RSRC1: variants seen among roughly 807,000 people sequenced by gnomAD.
The protein encoded by RSRC1 is arginine and serine rich coiled-coil 1.
A neutral mutation model predicts 49.1 loss-of-function variants in RSRC1; 39 were observed. The observed-to-expected ratio is 0.79, with a 90% confidence interval of 0.61 to 1.04. The LOEUF is 1.04. RSRC1 is among the 50% of genes least tolerant of loss of function. The probability of loss-of-function intolerance (pLI) is 0.00; values close to 1 mark genes in which losing one functional copy is unlikely to be tolerated. For synonymous variants in RSRC1, 143 were observed against 130.8 expected (o/e 1.09, Z -0.63); for missense variants, 388 against 402.4 (o/e 0.96, Z 0.31).
At chr3:158,306,424 A>G (rs1363989324) in intron 5 of RSRC1, among the ~76,000 whole-genome samples, 2 of 151,974 alleles carry the variant, frequency 1.3e-5, no homozygotes, top group Non-Finnish European at 2.9e-5. Flanking sequence ...CTGGAAGTTA[A>G]TACTATTACT....
intron 6 of RSRC1, among the ~76,000 whole-genome samples, chr3:158,397,680 T>G (rs1399671959): frequency 6.6e-6 from 1 of 152,158 alleles, no homozygotes; most frequent in African/African-American, 2.4e-5. Context: ...ATTACTAATA[T>G]GACCCAGTCA....
chr3:158,245,007 T>G (rs1439469244), intron 4 of RSRC1, among the ~76,000 whole-genome samples: 4 of 150,514 alleles, frequency 2.7e-5, no homozygotes, highest in Non-Finnish European at 5.9e-5. Flanking sequence ...TTCAAAGGTT[T>G]TTTTTTTTTT....
chr3:158,518,105 T>C (rs1486488560), intron 7 of RSRC1, among the ~76,000 whole-genome samples: 4 of 75,156 alleles, frequency 5.3e-5, no homozygotes, highest in African/African-American at 1.7e-4. Flanking sequence ...CGTGTGTGTG[T>C]GTGTGTGTGT....
intron 6 of RSRC1, among the ~76,000 whole-genome samples, chr3:158,417,762 A>T (rs1169421588): frequency 1.3e-5 from 2 of 150,632 alleles, no homozygotes; most frequent in Non-Finnish European, 3.0e-5. Flanking sequence ...TTATTAATAT[A>T]TATCCTATAT....
At chr3:158,147,387 C>T (rs1178198045) in intron 3 of RSRC1, among the ~76,000 whole-genome samples, 1 of 151,848 alleles carries the variant, frequency 6.6e-6, no homozygotes, top group Non-Finnish European at 1.5e-5. Flanking sequence ...ACTACAATTC[C>T]ATCATTATTT....
At chr3:158,318,612 C>G (rs1167800330) in intron 5 of RSRC1, among the ~76,000 whole-genome samples, 1 of 152,178 alleles carries the variant, frequency 6.6e-6, no homozygotes, top group East Asian at 1.9e-4. Context: ...AGGACCACAT[C>G]ACCCCCTCTG....
intron 5 of RSRC1, among the ~76,000 whole-genome samples, chr3:158,298,565 T>A (rs1214028323): frequency 2.6e-5 from 4 of 152,110 alleles, no homozygotes; most frequent in Non-Finnish European, 4.4e-5. Flanking sequence ...ATAAAATAAT[T>A]GAGATGCAAA....
chr3:158,523,377 GTTTTAAGACTTACTGTATAAAA>G (rs1312182680), intron 7 of RSRC1, among the ~76,000 whole-genome samples: 2 of 151,914 alleles, frequency 1.3e-5, no homozygotes, highest in Non-Finnish European at 2.9e-5. Flanking sequence ...TATACTCCCT[GTTTTAAGACTTACTGTATAAAA>G]TTACAGTAAT....
intron 6 of RSRC1, among the ~76,000 whole-genome samples, chr3:158,449,806 A>T (rs151162542): frequency 9.9e-4 from 151 of 151,866 alleles, no homozygotes; most frequent in Non-Finnish European, 2.0e-3. Flanking sequence ...GAATTGGTAA[A>T]TTCTCCCTGG....
chr3:158,338,275 T>G (rs935257053), intron 5 of RSRC1, among the ~76,000 whole-genome samples: 1 of 152,082 alleles, frequency 6.6e-6, no homozygotes, highest in African/African-American at 2.4e-5. Context: ...TTCAGATGAA[T>G]TTGCTATCAA....
At chr3:158,221,279 T>C (rs1365753207) in intron 4 of RSRC1, among the ~76,000 whole-genome samples, 1 of 151,524 alleles carries the variant, frequency 6.6e-6, no homozygotes, top group Non-Finnish European at 1.5e-5. Flanking sequence ...ATGCAGTTTA[T>C]TGAATTTAGA....
At chr3:158,196,761 T>A (rs1720647004) in intron 3 of RSRC1, among the ~76,000 whole-genome samples, 1 of 152,202 alleles carries the variant, frequency 6.6e-6, no homozygotes, top group African/African-American at 2.4e-5. Context: ...GAGATAATCA[T>A]GTGGTTTTTG....
chr3:158,205,746 G>T (rs1380767591), intron 4 of RSRC1, among the ~76,000 whole-genome samples: 1 of 151,990 alleles, frequency 6.6e-6, no homozygotes, highest in Non-Finnish European at 1.5e-5. Flanking sequence ...CAATCTTCTG[G>T]CTTCCCTGGG....
At chr3:158,473,668 A>G (rs2108425668) in intron 7 of RSRC1, among the ~76,000 whole-genome samples, 2 of 152,276 alleles carry the variant, frequency 1.3e-5, no homozygotes, top group South Asian at 4.1e-4. Flanking sequence ...ATAATTTAAA[A>G]AAAAAGGATG....
intron 7 of RSRC1, among the ~76,000 whole-genome samples, chr3:158,520,487 A>G (rs1711596000): frequency 1.3e-5 from 2 of 152,180 alleles, no homozygotes. Context: ...ATGGGCAGCA[A>G]AGAGACACTG....
chr3:158,470,383 A>G (rs1738086041), intron 7 of RSRC1, among the ~76,000 whole-genome samples: 1 of 142,292 alleles, frequency 7.0e-6, no homozygotes. Flanking sequence ...TATATATAAA[A>G]CCATCTTCAG....
intron 6 of RSRC1, among the ~76,000 whole-genome samples, chr3:158,404,285 C>G (rs2108312639): frequency 6.6e-6 from 1 of 151,880 alleles, no homozygotes; most frequent in East Asian, 1.9e-4. Context: ...CATTCATTTT[C>G]TCTTAAGCCT....
chr3:158,404,306 C>G (rs1200821137), intron 6 of RSRC1, among the ~76,000 whole-genome samples: 1 of 151,872 alleles, frequency 6.6e-6, no homozygotes, highest in Non-Finnish European at 1.5e-5. Context: ...TTGGCACTGA[C>G]ACATCCATTG....
chr3:158,127,305 C>T (rs1449587179), intron 3 of RSRC1, among the ~76,000 whole-genome samples: 5 of 152,038 alleles, frequency 3.3e-5, no homozygotes, highest in African/African-American at 1.2e-4. Flanking sequence ...CTCCATAATA[C>T]GTATATTGGT....
Sources: gnomAD v4.1 joint callset for allele counts (sites outside exome capture counted in the v4.1 genomes callset) on GRCh38, gnomAD v4.1.1 for gene constraint, MANE v1.5 for transcripts, NCBI Gene and HGNC (gene_info 2026-07-23, HGNC 2026-07-21) for gene names.